Variants in LHX6 observed in about 807,000 individuals in gnomAD.
The protein encoded by LHX6 is LIM homeobox 6.
LHX6 carries 15 observed loss-of-function variants against 47.1 expected under a neutral mutation model. That is an observed-to-expected ratio of 0.32 (90% CI 0.21 to 0.49). The LOEUF (loss-of-function observed/expected upper bound fraction) is 0.49, where lower values mean the gene tolerates loss of function less well. Among genes scored for constraint, LHX6 ranks in the 20% least tolerant of loss-of-function variants. The probability of loss-of-function intolerance (pLI) is 0.99; values close to 1 mark genes in which losing one functional copy is unlikely to be tolerated. For missense variants in LHX6, 404 were observed against 539.6 expected, an observed-to-expected ratio of 0.75 and a Z score of 2.49; for synonymous variants, 242 against 233.5, an observed-to-expected ratio of 1.04 and a Z score of -0.33.
chr9:122,209,045 A>G (rs1830300567), intron 9 of LHX6, among the ~76,000 whole-genome samples: 1 of 152,154 alleles, frequency 6.6e-6, no homozygotes, highest in Non-Finnish European at 1.5e-5. Context: ...CATCTGCACT[A>G]TGGACAAGTT....
At position 122,209,649 on chromosome 9, in the gene LHX6, C is replaced by G; in HGVS notation, c.1123G>C (p.Asp375His). 6.5e-7 allele frequency: 1 copy of G among 1,532,902 alleles called. No individual in the cohort carries two copies. The highest frequency in any genetic ancestry group is 9.0e-7 in the Non-Finnish European group (1 of 1,105,816). The allele number at this position is 1,532,902 out of a possible 1,614,324, so 95.0% of individuals were successfully genotyped here. ...YTAPPVHLKA[D>H]MDGPLSNRGE... is the part of the protein sequence containing the mutation. ...CGGTTGGAGAGCGGCCCATCCATAT[C>G]GGCTTTGAGGTGGACGGGGGGTGCG... The change falls in exon 9 of 10, where the codon GAT (aspartate) becomes CAT (histidine). Residue 375 changes from aspartate to histidine, a missense_variant. This residue lies in a region of LHX6 where 127 missense variants were observed against 116.1 expected (regional missense o/e 1.09). Coordinates refer to ENST00000394319, the MANE Select transcript of LHX6 (RefSeq NM_014368.5).
intron 4 of LHX6, among the ~76,000 whole-genome samples, chr9:122,223,588 G>A (rs759799610): frequency 6.6e-6 from 1 of 152,190 alleles, no homozygotes; most frequent in Non-Finnish European, 1.5e-5. Context: ...ACTAAGGGCC[G>A]AGAGAAGCAG....
At chr9:122,228,338 C>T (rs909859923) in intron 1 of LHX6, 1 of 1,533,482 alleles carries the variant, frequency 6.5e-7, no homozygotes, top group East Asian at 2.5e-5. Flanking sequence ...AGCGCTGCGC[C>T]GGCACAACCC....
chr9:122,228,837 G>A lies in LHX6; in HGVS notation c.-97C>T. The A allele has an allele frequency of 1.2e-6, 1 of 862,268 alleles. No individual in the cohort carries two copies. Among genetic ancestry groups the A allele is most frequent in the South Asian group, 5.6e-5 (1 of 17,852 alleles). The allele number at this position is 862,268 out of a possible 1,614,324, so 53.4% of individuals were successfully genotyped here. On this transcript the variant is annotated 5_prime_UTR_variant, in exon 1 of 10. Coordinates refer to ENST00000394319, the MANE Select transcript of LHX6 (RefSeq NM_014368.5). ...GGGAGCAGAGGCTGCTGCAGGAGCAGGAGGAGAGCCGAGGCGCCGGCCCCG... is the reference window on the plus strand; with the variant it reads ...GGGAGCAGAGGCTGCTGCAGGAGCAAGAGGAGAGCCGAGGCGCCGGCCCCG...
intron 9 of LHX6, among the ~76,000 whole-genome samples, chr9:122,205,531 T>A (rs1189600435): frequency 6.6e-6 from 1 of 152,194 alleles, no homozygotes; most frequent in Non-Finnish European, 1.5e-5. Flanking sequence ...GATCACTGGC[T>A]GGCTGGTCAA....
In LHX6 at chr9:122,226,804, C is replaced by T; in HGVS notation, c.339+44G>A. 1 of 1,540,050 alleles carries T rather than the reference C, an allele frequency of 6.5e-7. No individual in the cohort carries two copies. Among genetic ancestry groups the T allele is most frequent in the South Asian group, 1.2e-5 (1 of 82,968 alleles). On this transcript the variant is annotated intron_variant, in intron 3 of 9. Coordinates refer to ENST00000394319, the MANE Select transcript of LHX6 (RefSeq NM_014368.5). The surrounding 1 kb of genome is among the most constrained non-coding windows in gnomAD (Gnocchi z 6.5). ...TTCCCTGCAGTCTCCTGCGCTGCGT[C>T]CCACGCCCCGACAACACGCACGCAA...
Position 122,217,002 on chromosome 9 carries a change from G to T in LHX6, c.682+66C>A. 5.1e-6 allele frequency: 7 copies of T among 1,378,412 alleles called. No individual in the cohort carries two copies. The highest frequency in any genetic ancestry group is 7.1e-6 in the Non-Finnish European group (7 of 981,470). The allele number at this position is 1,378,412 out of a possible 1,614,324, so 85.4% of individuals were successfully genotyped here. A position where few individuals can be genotyped will look rare whatever the true frequency, so the allele number is the denominator to read the frequency against. ...TAGAGGAGTGTGGGTGGTTCCTGGG[G>T]TGCTGGGGTGGGGTGGGGTGGGAAA... On this transcript the variant is annotated intron_variant, in intron 5 of 9. Coordinates refer to ENST00000394319, the MANE Select transcript of LHX6 (RefSeq NM_014368.5). This position sits in a 1 kb window ranked among gnomAD's most constrained non-coding sequence, Gnocchi z 4.9.
In LHX6 at chr9:122,226,726, C is replaced by T. The variant is rs139064780; in HGVS notation, c.339+122G>A. 1,249 of 1,284,098 alleles carry T rather than the reference C, an allele frequency of 9.7e-4. No homozygotes were observed. Among genetic ancestry groups the T allele is most frequent in the Non-Finnish European group, 1.2e-3 (1,179 of 948,604 alleles). 79.5% of individuals were successfully genotyped at this position (1,284,098 alleles called of 1,614,324 possible). The stretch of plus-strand genomic sequence containing the variant: ...AGACCCTAAGTCTTGCCCAAAGCTT[C>T]GCAGTCGGGCAGCAGTGGAGCCAGG... On this transcript the variant is annotated intron_variant, in intron 3 of 9. Coordinates refer to ENST00000394319, the MANE Select transcript of LHX6 (RefSeq NM_014368.5). This position sits in a 1 kb window ranked among gnomAD's most constrained non-coding sequence, Gnocchi z 6.5.
chr9:122,227,044 GAGA>G lies in LHX6; in HGVS notation c.157-17_157-15del, dbSNP rs1831133106. On this transcript the variant is annotated splice_polypyrimidine_tract_variant and intron_variant, in intron 2 of 9. Transcript: ENST00000394319. Reference sequence around the variant, plus strand: ...GTCAGACTGAGCCTGCGGCGGGGGAGAGAAGGAGAGGAGCGCTGATCCGGGCAC... The same window carrying G: ...GTCAGACTGAGCCTGCGGCGGGGGAGAGGAGAGGAGCGCTGATCCGGGCAC... The G allele has an allele frequency of 2.7e-6, 4 of 1,468,236 alleles. No homozygotes were observed. The highest frequency in any genetic ancestry group is 1.4e-5 in the South Asian group (1 of 71,210). The allele number at this position is 1,468,236 out of a possible 1,614,324, so 91.0% of individuals were successfully genotyped here.
intron 4 of LHX6, chr9:122,221,725 C>T (rs1343853348): frequency 2.0e-6 from 2 of 985,504 alleles, no homozygotes; most frequent in Non-Finnish European, 2.4e-6. Flanking sequence ...CAAGATCACC[C>T]AGGGAGCCAC....
intron 4 of LHX6, among the ~76,000 whole-genome samples, chr9:122,223,817 G>C (rs1433690924): frequency 1.3e-5 from 2 of 152,174 alleles, no homozygotes; most frequent in East Asian, 3.9e-4. Flanking sequence ...CATGGGCTAG[G>C]GCTGGAGAAG....
In LHX6 at chr9:122,227,129, C is replaced by A. The variant is rs1451951104; in HGVS notation, c.157-99G>T. ...GGGGCCCCCGAGCACCAATTGACAA[C>A]GAAATCTCCCCAGGACAATGCGCCG... On this transcript the variant is annotated intron_variant, in intron 2 of 9. Coordinates refer to ENST00000394319, the MANE Select transcript of LHX6 (RefSeq NM_014368.5). The A allele has an allele frequency of 5.3e-6, 6 of 1,132,752 alleles. No individual in the cohort carries two copies. The East Asian group carries it at 1.6e-4, about 30-fold the overall frequency. The allele number at this position is 1,132,752 out of a possible 1,614,324, so 70.2% of individuals were successfully genotyped here.
At chr9:122,204,836 C>G in intron 9 of LHX6, 56 bp from the exon 10 acceptor site, 1 of 1,303,874 alleles carries the variant, frequency 7.7e-7, no homozygotes, top group Non-Finnish European at 1.1e-6. Flanking sequence ...CACCCTGCTG[C>G]CCCCCAGAGA....
In LHX6 at chr9:122,217,261, G is replaced by A; in HGVS notation, c.489C>T (p.Cys163=). 2.5e-6 allele frequency: 4 copies of A among 1,612,864 alleles called. No homozygotes were observed. In the African/African-American group the frequency reaches 4.0e-5, roughly 16 times the overall value. Residue 163 remains cysteine (C), a synonymous_variant, in exon 5 of 10, where the codon TGC becomes TGT. Transcript: ENST00000394319. The surrounding 1 kb of genome is among the most constrained non-coding windows in gnomAD (Gnocchi z 4.9). ...AGTCGCTGGCGTAGATCTGTCGGCC[G>A]CACCGGGCACACTTGGTCCCGAATC... ...FSRFGTKCAR[C]GRQIYASDWV... is the part of the protein sequence containing the mutation.
chr9:122,208,711 G>A (rs1440868806), intron 9 of LHX6, among the ~76,000 whole-genome samples: 1 of 151,902 alleles, frequency 6.6e-6, no homozygotes, highest in Non-Finnish European at 1.5e-5. Context: ...GTAGGCGCCT[G>A]TAATCCCAGC....
rs189288888 is a variant in LHX6, at chr9:122,227,650, T to G, written c.85-170A>C. 3 of 1,315,160 alleles carry G rather than the reference T, an allele frequency of 2.3e-6. No homozygotes were observed. The East Asian group carries it at 9.3e-5, about 41-fold the overall frequency. The allele number at this position is 1,315,160 out of a possible 1,614,324, so 81.5% of individuals were successfully genotyped here. ...CCCCACAAAAGCGGTGTCTCTCTAA[T>G]GAAGCAATTTGAATTTGGATTGGAT... On this transcript the variant is annotated intron_variant, in intron 1 of 9. Transcript: ENST00000394319.
intron 1 of LHX6, chr9:122,228,097 G>C (rs2118924019): frequency 1.6e-6 from 1 of 608,534 alleles, no homozygotes; most frequent in Admixed American, 3.1e-5. Context: ...CCCCGAGCGC[G>C]GTGAGCACCC....
intron 9 of LHX6, among the ~76,000 whole-genome samples, chr9:122,206,948 C>G (rs188354049): frequency 1.3e-5 from 2 of 152,152 alleles, no homozygotes; most frequent in African/African-American, 4.8e-5. Flanking sequence ...CTGTCTCTCC[C>G]CTAGAGCTCA....
rs1229547589 is a variant in LHX6 at position 122,214,218 on chromosome 9, C to T, written c.783+65G>A. On this transcript the variant is annotated intron_variant, in intron 6 of 9. Transcript: ENST00000394319. The surrounding 1 kb of genome is among the most constrained non-coding windows in gnomAD (Gnocchi z 4.6). ...CGGCCCGAGGGGCGGAGCCAGGAGACATTGTCGGCCCCGCCCACTTTCGGC... is the reference window on the plus strand; with the variant it reads ...CGGCCCGAGGGGCGGAGCCAGGAGATATTGTCGGCCCCGCCCACTTTCGGC... 7.1e-7 allele frequency: 1 copy of T among 1,415,094 alleles called. No homozygotes were observed. The highest frequency in any genetic ancestry group is 2.2e-5 in the Admixed American group (1 of 46,100). 87.7% of individuals were successfully genotyped at this position (1,415,094 alleles called of 1,614,324 possible).
Sources: gnomAD v4.1 joint callset for allele counts (sites outside exome capture counted in the v4.1 genomes callset) on GRCh38, gnomAD v4.1.1 for gene constraint, gnomAD v4.1.1 regional missense constraint, Gnocchi (gnomAD v3.1) non-coding constraint, MANE v1.5 for transcripts, NCBI Gene and HGNC (gene_info 2026-07-23, HGNC 2026-07-21) for gene names.